NRG1: variants seen among roughly 807,000 people sequenced by gnomAD.
NRG1 encodes the protein pro-neuregulin-1, membrane-bound isoform.
In NRG1, 18 loss-of-function variants were observed where a neutral mutation model predicts 63.8. That is an observed-to-expected ratio of 0.28 (90% CI 0.19 to 0.42). The LOEUF (loss-of-function observed/expected upper bound fraction) is 0.42, where lower values mean the gene tolerates loss of function less well. NRG1 is among the 10% of genes least tolerant of loss of function. The pLI, the probability that NRG1 is intolerant of heterozygous loss-of-function variation, is 1.00. For synonymous variants in NRG1, 302 were observed against 301.3 expected, an observed-to-expected ratio of 1.00 and a Z score of -0.02; for missense variants, 762 against 814.7, an observed-to-expected ratio of 0.94 and a Z score of 0.79.
At chr8:32,174,481 A>T (rs1268527614) in intron 1 of NRG1, among the ~76,000 whole-genome samples, 3 of 152,220 alleles carry the variant, frequency 2.0e-5, no homozygotes, top group African/African-American at 4.8e-5. Flanking sequence ...AATAACTAAG[A>T]TCAGAGCAGA....
At chr8:32,751,503 A>G (rs1828721616) in intron 7 of NRG1, among the ~76,000 whole-genome samples, 1 of 152,184 alleles carries the variant, frequency 6.6e-6, no homozygotes, top group African/African-American at 2.4e-5. Context: ...GAGGTTAAAG[A>G]ATCCATTGTT....
chr8:32,690,483 G>A lies in NRG1; in HGVS notation c.503-37466G>A, dbSNP rs1246431013. Among the ~76,000 whole-genome samples the A allele has an allele frequency of 3.9e-5, 6 of 152,152 alleles. No individual in the cohort carries two copies. In the East Asian group the frequency reaches 1.2e-3, roughly 29 times the overall value. ...AGATGTATGCCATAAGGACAATGGAGGCCTCAGCTAAGTACCTCCTGCTGC... is the reference window on the plus strand; with the variant it reads ...AGATGTATGCCATAAGGACAATGGAAGCCTCAGCTAAGTACCTCCTGCTGC... On this transcript the variant is annotated intron_variant, in intron 5 of 11. Transcript: ENST00000356819.
rs774505431 is a variant in NRG1 at position 32,027,414 on chromosome 8, C to CTCCT, written c.37+388035_37+388038dup. 7.7e-3 allele frequency among the ~76,000 whole-genome samples: 878 copies of CTCCT among 114,108 alleles called. 54 individuals carry two copies. The highest frequency in any genetic ancestry group is 0.036 in the African/African-American group (841 of 23,534). 74.9% of individuals were successfully genotyped at this position (114,108 alleles called of 152,430 possible). A position where few individuals can be genotyped will look rare whatever the true frequency, so the allele number is the denominator to read the frequency against. ...GTTTTTTATAAATTTCCTTCCTTCC[C>CTCCT]TCCTTCCTTCCTTCCTTCCTTCCTT... is the stretch of plus-strand genomic sequence containing the variant. On this transcript the variant is annotated intron_variant, in intron 1 of 10. Coordinates refer to the NRG1 transcript ENST00000519301.
In NRG1 at chr8:31,767,070, A is replaced by AT. The variant is rs1416856465; in HGVS notation, c.37+127649dup. Among the ~76,000 whole-genome samples, 64 of 149,752 alleles carry AT rather than the reference A, an allele frequency of 4.3e-4. No homozygotes were observed. The Middle Eastern group carries it at 0.011, about 25-fold the overall frequency. On this transcript the variant is annotated intron_variant, in intron 1 of 10. Transcript: ENST00000519301. ...TCCTAAAGGGAGAAAGCAGCAGGTCATTTTTTTTTTCTTTCAAGGGCTTGC... is the reference window on the plus strand; with the variant it reads ...TCCTAAAGGGAGAAAGCAGCAGGTCATTTTTTTTTTTCTTTCAAGGGCTTGC...
intron 5 of NRG1, among the ~76,000 whole-genome samples, chr8:32,686,395 G>T (rs1343409456): frequency 6.6e-6 from 1 of 152,150 alleles, no homozygotes; most frequent in African/African-American, 2.4e-5. Flanking sequence ...AAAGAGTGAG[G>T]ATAGCTGGAA....
intron 1 of NRG1, among the ~76,000 whole-genome samples, chr8:32,278,313 C>T (rs531462565): frequency 6.6e-6 from 1 of 152,086 alleles, no homozygotes; most frequent in African/African-American, 2.4e-5. Context: ...AAAAATAGAG[C>T]AATTTGGGGG....
At position 32,759,672 on chromosome 8, in the gene NRG1, C is replaced by G. The variant is rs768710754; in HGVS notation, c.1052+236C>G. ...GATTGTCTTTACTCATGCCCTGCTA[C>G]TCACCGAATTGCTACACTGGGACAA... On this transcript the variant is annotated intron_variant, in intron 10 of 11. Transcript: ENST00000356819. 2.2e-4 allele frequency among the ~76,000 whole-genome samples: 34 copies of G among 152,258 alleles called. 1 individual carries two copies. In the Middle Eastern group the frequency reaches 0.01, roughly 46 times the overall value.
chr8:32,157,804 G>A (rs958247625), intron 1 of NRG1, among the ~76,000 whole-genome samples: 2 of 151,966 alleles, frequency 1.3e-5, no homozygotes, highest in African/African-American at 4.8e-5. Flanking sequence ...TCAAATAAGA[G>A]AGAAGTCAGT....
At chr8:31,827,899 C>T (rs1345750812) in intron 1 of NRG1, among the ~76,000 whole-genome samples, 2 of 152,128 alleles carry the variant, frequency 1.3e-5, no homozygotes, top group African/African-American at 2.4e-5. Context: ...GCCTTATATT[C>T]ATAGGATCTA....
chr8:31,883,187 A>G (rs1477457838), intron 1 of NRG1, among the ~76,000 whole-genome samples: 2 of 152,182 alleles, frequency 1.3e-5, no homozygotes, highest in African/African-American at 2.4e-5. Context: ...GTCAGCAGCC[A>G]TCAACATCAA....
chr8:32,516,300 TA>T (rs1219722197), intron 1 of NRG1, among the ~76,000 whole-genome samples: 3 of 152,212 alleles, frequency 2.0e-5, no homozygotes, highest in African/African-American at 7.2e-5. Context: ...GCTGTTTTTG[TA>T]TCATTACCAT....
At chr8:32,263,831 A>C (rs1850635838) in intron 1 of NRG1, among the ~76,000 whole-genome samples, 2 of 152,196 alleles carry the variant, frequency 1.3e-5, no homozygotes, top group African/African-American at 4.8e-5. Flanking sequence ...AGTGAAATCT[A>C]AAAGTCCAAA....
intron 5 of NRG1, among the ~76,000 whole-genome samples, chr8:32,660,429 TG>T (rs1159842467): frequency 1.3e-5 from 2 of 152,224 alleles, no homozygotes; most frequent in Non-Finnish European, 2.9e-5. Flanking sequence ...CTTAAATCAC[TG>T]ACATTTTAAT....
At chr8:32,664,617 G>T (rs951627667) in intron 5 of NRG1, among the ~76,000 whole-genome samples, 4 of 151,728 alleles carry the variant, frequency 2.6e-5, no homozygotes, top group African/African-American at 9.7e-5. Flanking sequence ...TAAACTGATG[G>T]TGTAGAAATG....
At chr8:32,762,890 A>G (rs997729336) in intron 11 of NRG1, among the ~76,000 whole-genome samples, 2 of 152,324 alleles carry the variant, frequency 1.3e-5, no homozygotes, top group East Asian at 1.9e-4. Flanking sequence ...AGAGTCACTG[A>G]GCATTATCAG....
intron 1 of NRG1, among the ~76,000 whole-genome samples, chr8:31,868,145 C>T (rs939361004): frequency 1.9e-5 from 1 of 52,364 alleles, no homozygotes; most frequent in Non-Finnish European, 3.9e-5. Context: ...ACACATACAT[C>T]TTACACACAC....
At chr8:32,222,262 A>T (rs1845900214) in intron 1 of NRG1, among the ~76,000 whole-genome samples, 1 of 152,162 alleles carries the variant, frequency 6.6e-6, no homozygotes, top group Non-Finnish European at 1.5e-5. Flanking sequence ...AAAGATAAAA[A>T]TGAGTGGGCT....
chr8:32,195,060 A>G (rs1325281769), intron 1 of NRG1, among the ~76,000 whole-genome samples: 1 of 152,192 alleles, frequency 6.6e-6, no homozygotes, highest in Non-Finnish European at 1.5e-5. Context: ...TGTGATCAAT[A>G]GCATTTTCAG....
intron 1 of NRG1, among the ~76,000 whole-genome samples, chr8:31,852,869 C>A (rs1282194314): frequency 6.6e-6 from 1 of 152,170 alleles, no homozygotes; most frequent in Non-Finnish European, 1.5e-5. Flanking sequence ...AATAGAGAAT[C>A]CTTTCCCCAT....
Sources: gnomAD v4.1 joint callset for allele counts (sites outside exome capture counted in the v4.1 genomes callset) on GRCh38, gnomAD v4.1.1 for gene constraint, MANE v1.5 for transcripts, NCBI Gene and HGNC (gene_info 2026-07-23, HGNC 2026-07-21) for gene names.